Variants in KCTD8 observed in about 807,000 individuals in gnomAD.
The protein encoded by KCTD8 is BTB/POZ domain-containing protein KCTD8.
Under a neutral mutation model 31.5 loss-of-function variants are expected in KCTD8, and 27 were observed. That is an observed-to-expected ratio of 0.86 (90% CI 0.63 to 1.18). KCTD8 has a LOEUF of 1.18. KCTD8 is among the 50% of genes most tolerant of loss of function. KCTD8 has a pLI of 0.00. For missense variants in KCTD8, 658 were observed against 647.7 expected, an observed-to-expected ratio of 1.02 and a Z score of -0.17; for synonymous variants, 290 against 280.0, an observed-to-expected ratio of 1.04 and a Z score of -0.36.
intron 1 of KCTD8, among the ~76,000 whole-genome samples, chr4:44,181,397 C>T (rs1301367229): frequency 6.6e-6 from 1 of 152,182 alleles, no homozygotes; most frequent in Non-Finnish European, 1.5e-5. Flanking sequence ...AGGCGCGCAC[C>T]ACCACGCCTG....
chr4:44,344,948 A>C (rs567261221), intron 1 of KCTD8, among the ~76,000 whole-genome samples: 1 of 152,152 alleles, frequency 6.6e-6, no homozygotes, highest in Non-Finnish European at 1.5e-5. Flanking sequence ...TCTTCAGCTT[A>C]AACTTTAGCT....
At chr4:44,338,496 G>A (rs1037067865) in intron 1 of KCTD8, among the ~76,000 whole-genome samples, 4 of 152,100 alleles carry the variant, frequency 2.6e-5, no homozygotes, top group Non-Finnish European at 4.4e-5. Context: ...TTGTCTCTAC[G>A]AAAACTGCAG....
intron 1 of KCTD8, among the ~76,000 whole-genome samples, chr4:44,215,492 G>A (rs1714622262): frequency 6.6e-6 from 1 of 152,110 alleles, no homozygotes; most frequent in East Asian, 1.9e-4. Flanking sequence ...AACTTTTATA[G>A]GGAAACTTAT....
chr4:44,239,040 A>G (rs577112840), intron 1 of KCTD8, among the ~76,000 whole-genome samples: 5 of 152,340 alleles, frequency 3.3e-5, no homozygotes, highest in South Asian at 2.1e-4. Context: ...ACAAATTGCT[A>G]GTCACGTGCA....
At chr4:44,307,699 CT>C (rs1401585118) in intron 1 of KCTD8, among the ~76,000 whole-genome samples, 1 of 150,818 alleles carries the variant, frequency 6.6e-6, no homozygotes, top group African/African-American at 2.5e-5. Flanking sequence ...AGAAAATACT[CT>C]GTTTCAAGCT....
rs111546364 is a variant in KCTD8 at position 44,369,087 on chromosome 4, G to A, written c.961+78476C>T. Among the ~76,000 whole-genome samples the A allele has an allele frequency of 8.1e-3, 1,235 of 152,276 alleles. 19 individuals are homozygous for A. The highest frequency in any genetic ancestry group is 0.028 in the African/African-American group (1,183 of 41,560). Reference sequence around the variant, plus strand: ...TATAAGGAAGACGTGGAATGAGAAGGTTCCTTTCTGGTTAAGGGGAAAAAG... The same window carrying A: ...TATAAGGAAGACGTGGAATGAGAAGATTCCTTTCTGGTTAAGGGGAAAAAG... On this transcript the variant is annotated intron_variant, in intron 1 of 1. Transcript: ENST00000360029.
chr4:44,226,796 G>C (rs1288890628), intron 1 of KCTD8, among the ~76,000 whole-genome samples: 1 of 152,122 alleles, frequency 6.6e-6, no homozygotes, highest in African/African-American at 2.4e-5. Context: ...GACCTGTGAT[G>C]ATGAGCTTTT....
At chr4:44,265,355 A>G (rs542880897) in intron 1 of KCTD8, among the ~76,000 whole-genome samples, 1 of 152,164 alleles carries the variant, frequency 6.6e-6, no homozygotes, top group Non-Finnish European at 1.5e-5. Context: ...AGGAAAACTA[A>G]CAAACAGAAA....
intron 1 of KCTD8, among the ~76,000 whole-genome samples, chr4:44,213,627 A>T (rs940221263): frequency 3.3e-5 from 5 of 152,144 alleles, no homozygotes; most frequent in Non-Finnish European, 7.4e-5. Flanking sequence ...TTATCTCCAT[A>T]TCTAGAATGA....
intron 1 of KCTD8, among the ~76,000 whole-genome samples, chr4:44,279,573 T>C (rs1716843553): frequency 6.6e-6 from 1 of 152,090 alleles, no homozygotes. Context: ...AATTCATTAG[T>C]AACTTTAATT....
intron 1 of KCTD8, among the ~76,000 whole-genome samples, chr4:44,374,417 A>C (rs1198442596): frequency 6.6e-6 from 1 of 152,192 alleles, no homozygotes; most frequent in Non-Finnish European, 1.5e-5. Context: ...TCTTCCATGC[A>C]GACCACTTAA....
intron 1 of KCTD8, among the ~76,000 whole-genome samples, chr4:44,276,655 A>G (rs532626171): frequency 6.6e-6 from 1 of 152,080 alleles, no homozygotes; most frequent in Non-Finnish European, 1.5e-5. Flanking sequence ...GTGTTTTAAA[A>G]TTTTTTAAAC....
chr4:44,383,854 CAAAGG>C (rs570905157), intron 1 of KCTD8, among the ~76,000 whole-genome samples: 379 of 152,042 alleles, frequency 2.5e-3, no homozygotes, highest in Non-Finnish European at 2.9e-3. Flanking sequence ...CTCTGCATAG[CAAAGG>C]AAACAACCAA....
At chr4:44,180,903 G>T (rs1344695369) in intron 1 of KCTD8, among the ~76,000 whole-genome samples, 1 of 152,102 alleles carries the variant, frequency 6.6e-6, no homozygotes, top group Non-Finnish European at 1.5e-5. Context: ...ACCATGAATA[G>T]AAATTACCAC....
chr4:44,180,184 CT>C (rs1403225482), intron 1 of KCTD8, among the ~76,000 whole-genome samples: 1 of 152,026 alleles, frequency 6.6e-6, no homozygotes, highest in Non-Finnish European at 1.5e-5. Flanking sequence ...ACCCAATATA[CT>C]TGGTTTAAAA....
intron 1 of KCTD8, among the ~76,000 whole-genome samples, chr4:44,274,593 G>T (rs1716700076): frequency 6.6e-6 from 1 of 151,440 alleles, no homozygotes; most frequent in Non-Finnish European, 1.5e-5. Context: ...AAATTGTATT[G>T]GTTTTGAGTA....
At chr4:44,244,397 T>C (rs960739428) in intron 1 of KCTD8, among the ~76,000 whole-genome samples, 8 of 152,092 alleles carry the variant, frequency 5.3e-5, no homozygotes, top group Admixed American at 5.2e-4. Flanking sequence ...CTAGAGGACA[T>C]TGGAAGGTCT....
intron 1 of KCTD8, among the ~76,000 whole-genome samples, chr4:44,376,097 A>G (rs556077705): frequency 1.3e-5 from 2 of 152,298 alleles, no homozygotes; most frequent in South Asian, 4.1e-4. Context: ...TTTACCACTC[A>G]TAATTCCCTC....
intron 1 of KCTD8, among the ~76,000 whole-genome samples, chr4:44,313,892 A>G (rs1450148766): frequency 6.6e-6 from 1 of 152,248 alleles, no homozygotes; most frequent in Non-Finnish European, 1.5e-5. Context: ...CATTTGCAGA[A>G]GCCTGTAAGG....
Sources: allele counts gnomAD v4.1 joint callset (sites outside exome capture counted in the v4.1 genomes callset), GRCh38; gene constraint gnomAD v4.1.1; transcripts MANE v1.5; gene names NCBI Gene and HGNC (gene_info 2026-07-23, HGNC 2026-07-21).